The following TMCO6 variants were observed in gnomAD, a reference collection of about 807,000 sequenced individuals.
The protein encoded by TMCO6 is transmembrane and coiled-coil domain-containing protein 6.
A neutral mutation model predicts 61.8 loss-of-function variants in TMCO6; 47 were observed. That is an observed-to-expected ratio of 0.76 (90% CI 0.60 to 0.97). The LOEUF (loss-of-function observed/expected upper bound fraction) is 0.97, where lower values mean the gene tolerates loss of function less well. Ranked by LOEUF, TMCO6 falls within the 50% of genes least tolerant of loss-of-function variation. The pLI, the probability that TMCO6 is intolerant of heterozygous loss-of-function variation, is 0.00. For synonymous variants in TMCO6, 261 were observed against 254.2 expected (o/e 1.03, Z -0.25); for missense variants, 557 against 601.6 (o/e 0.93, Z 0.78).
Position 140,641,654 on chromosome 5 carries a change from C to G in TMCO6, c.199-11C>G. ...AACCGTGTGTTCTCCTTTCCCTGCC[C>G]TGAACTCCAGGTGCAGCAGTTCCTG... is the stretch of plus-strand genomic sequence containing the variant. On this transcript the variant is annotated splice_polypyrimidine_tract_variant and intron_variant, in intron 2 of 11. Coordinates refer to ENST00000394671, the MANE Select transcript of TMCO6 (RefSeq NM_018502.5). The G allele has an allele frequency of 6.2e-7, 1 of 1,611,914 alleles. No homozygotes were observed. Among genetic ancestry groups the G allele is most frequent in the Non-Finnish European group, 8.5e-7 (1 of 1,178,598 alleles).
the TMCO6 span, among the ~76,000 whole-genome samples, chr5:140,622,787 C>T: frequency 2.7e-5 from 4 of 150,284 alleles, no homozygotes; most frequent in Non-Finnish European, 4.4e-5. Context: ...CATGGGGAAA[C>T]GTTTTTGGAC....
chr5:140,625,988 C>A, the TMCO6 span, among the ~76,000 whole-genome samples: 1 of 152,184 alleles, frequency 6.6e-6, no homozygotes, highest in Non-Finnish European at 1.5e-5. Context: ...CTTTCTCCAT[C>A]CTGAAATGTT....
the TMCO6 span, among the ~76,000 whole-genome samples, chr5:140,607,538 A>G: frequency 6.6e-6 from 1 of 152,074 alleles, no homozygotes; most frequent in African/African-American, 2.4e-5. Context: ...TGCCTTTCCA[A>G]TTCTTTTGGG....
the TMCO6 span, among the ~76,000 whole-genome samples, chr5:140,623,132 A>G: frequency 1.7e-4 from 26 of 152,364 alleles, no homozygotes; most frequent in Non-Finnish European, 3.4e-4. Flanking sequence ...AAGAAAACCC[A>G]GTTCCCCTTG....
At chr5:140,605,575 G>A in the TMCO6 span, among the ~76,000 whole-genome samples, 5 of 152,078 alleles carry the variant, frequency 3.3e-5, no homozygotes, top group African/African-American at 1.2e-4. Context: ...AGCTACTTGG[G>A]AGGCTGAGGC....
the TMCO6 span, among the ~76,000 whole-genome samples, chr5:140,618,041 A>T: frequency 6.6e-6 from 1 of 152,178 alleles, no homozygotes; most frequent in African/African-American, 2.4e-5. Context: ...AGTAATCAAG[A>T]CAGTATGGTA....
At chr5:140,614,619 T>A in the TMCO6 span, among the ~76,000 whole-genome samples, 1 of 147,052 alleles carries the variant, frequency 6.8e-6, no homozygotes, top group African/African-American at 2.5e-5. Context: ...CTTTCATTCC[T>A]TTTTTTTTTT....
At chr5:140,642,902 TA>T in intron 6 of TMCO6, 22 bp from the exon 7 acceptor site, 1 of 1,614,166 alleles carries the variant, frequency 6.2e-7, no homozygotes, top group Non-Finnish European at 8.5e-7. Context: ...GGTTCCTACT[TA>T]CAGCCCTGCT....
At chr5:140,646,298 A>C (rs1757394300), downstream of TMCO6, among the ~76,000 whole-genome samples, 1 of 152,124 alleles carries the variant, frequency 6.6e-6, no homozygotes, top group Non-Finnish European at 1.5e-5. Context: ...GGCGTGAACC[A>C]CCGCACCCAG....
the TMCO6 span, among the ~76,000 whole-genome samples, chr5:140,603,911 C>T: frequency 1.3e-5 from 2 of 152,176 alleles, no homozygotes; most frequent in Non-Finnish European, 2.9e-5. Context: ...TTTTGAGGAA[C>T]TGCTAGCTGT....
upstream of TMCO6, among the ~76,000 whole-genome samples, chr5:140,637,473 C>T (rs559127785): frequency 1.3e-5 from 2 of 152,220 alleles, no homozygotes; most frequent in African/African-American, 4.8e-5. Flanking sequence ...TTGTGGTGAA[C>T]ATTCTGTAAA....
the TMCO6 span, among the ~76,000 whole-genome samples, chr5:140,610,034 G>A: frequency 6.6e-6 from 1 of 151,590 alleles, no homozygotes; most frequent in Non-Finnish European, 1.5e-5. Context: ...CACCATGCCT[G>A]GCTAATTTTT....
the TMCO6 span, chr5:140,632,816 C>T: frequency 6.2e-7 from 1 of 1,613,960 alleles, no homozygotes; most frequent in Non-Finnish European, 8.5e-7. The surrounding 1 kb of genome is among the most constrained non-coding windows in gnomAD (Gnocchi z 6.2). Context: ...GGATCTCCAC[C>T]TCTACTGCAG....
At chr5:140,632,288 T>A in the TMCO6 span, 2 of 1,613,944 alleles carry the variant, frequency 1.2e-6, no homozygotes, top group Non-Finnish European at 1.7e-6. The surrounding 1 kb of genome is among the most constrained non-coding windows in gnomAD (Gnocchi z 6.2). Flanking sequence ...TCTCCATTCC[T>A]GTGTTGCGCA....
chr5:140,626,437 G>A, the TMCO6 span, among the ~76,000 whole-genome samples: 1 of 151,744 alleles, frequency 6.6e-6, no homozygotes, highest in Non-Finnish European at 1.5e-5. Context: ...ATCTCACTTT[G>A]TCACCCTGGC....
chr5:140,642,497 C>T, intron 5 of TMCO6, 78 bp downstream of exon 5: 2 of 1,600,346 alleles, frequency 1.2e-6, no homozygotes, highest in South Asian at 1.1e-5. Context: ...TTAGGTAGCT[C>T]CAGCCTCTGC....
the TMCO6 span, among the ~76,000 whole-genome samples, chr5:140,630,378 C>A: frequency 2.0e-5 from 3 of 152,026 alleles, no homozygotes; most frequent in Admixed American, 6.6e-5. Context: ...CTCAGGCTAC[C>A]GTAATAAAAT....
intron 7 of TMCO6, 104 bp from the exon 8 acceptor site, chr5:140,643,460 G>T (rs1757174958): frequency 2.8e-6 from 3 of 1,082,990 alleles, no homozygotes; most frequent in African/African-American, 1.5e-5. Flanking sequence ...GCCTCCCAAA[G>T]TGCTGGGATT....
intron 7 of TMCO6, 136 bp downstream of exon 7, chr5:140,643,177 G>A: frequency 2.4e-6 from 3 of 1,261,142 alleles, no homozygotes; most frequent in Non-Finnish European, 3.3e-6. Flanking sequence ...TGGAGCCCAG[G>A]AGACCCACAG....
Sources: allele counts gnomAD v4.1 joint callset (sites outside exome capture counted in the v4.1 genomes callset), GRCh38; gene constraint gnomAD v4.1.1; non-coding constraint Gnocchi (gnomAD v3.1); transcripts MANE v1.5; gene names NCBI Gene and HGNC (gene_info 2026-07-23, HGNC 2026-07-21).